EDARADD: variants seen among roughly 807,000 people sequenced by gnomAD.
The protein encoded by EDARADD is EDAR associated via death domain.
A neutral mutation model predicts 25.6 loss-of-function variants in EDARADD; 20 were observed. The observed-to-expected ratio is 0.78, with a 90% CI of 0.55 to 1.14. The LOEUF is 1.14. EDARADD is among the 50% of genes most tolerant of loss of function. The pLI is 0.00. For synonymous variants in EDARADD, 86 were observed against 94.4 expected (o/e 0.91, Z 0.52); for missense variants, 225 against 270.1 (o/e 0.83, Z 1.17).
intron 3 of EDARADD, among the ~76,000 whole-genome samples, chr1:236,354,033 C>A (rs199645497): frequency 6.6e-6 from 1 of 152,050 alleles, no homozygotes; most frequent in East Asian, 1.9e-4. Flanking sequence ...CTTCGGGTTG[C>A]GAGGCTTAGG....
chr1:236,395,530 G>A lies in EDARADD; in HGVS notation c.61+1025G>A. ...AGCCACGGTTTGCTCCAGGCGCGTCGGAACCGCAGGACTTTTCATCCCCGT... is the reference window on the plus strand; with the variant it reads ...AGCCACGGTTTGCTCCAGGCGCGTCAGAACCGCAGGACTTTTCATCCCCGT... On this transcript the variant is annotated intron_variant, in intron 1 of 5. Coordinates refer to ENST00000334232, the MANE Select transcript of EDARADD (RefSeq NM_145861.4). This position sits in a 1 kb window ranked among gnomAD's most constrained non-coding sequence, Gnocchi z 6.9. 1 of 1,535,890 alleles carries A rather than the reference G, an allele frequency of 6.5e-7. No individual in the cohort carries two copies. Among genetic ancestry groups the A allele is most frequent in the Non-Finnish European group, 8.7e-7 (1 of 1,145,378 alleles).
chr1:236,370,298 G>A (rs1667160235), intron 3 of EDARADD, among the ~76,000 whole-genome samples: 1 of 152,118 alleles, frequency 6.6e-6, no homozygotes, highest in Non-Finnish European at 1.5e-5. Flanking sequence ...GTGTGTGCCT[G>A]TAGTCCCAAC....
intron 1 of EDARADD, among the ~76,000 whole-genome samples, chr1:236,399,692 A>T (rs567671825): frequency 2.0e-5 from 3 of 152,360 alleles, no homozygotes; most frequent in South Asian, 4.1e-4. Flanking sequence ...ATGATTGTTC[A>T]TACAGATAGA....
chr1:236,366,629 C>T (rs1172117974), intron 3 of EDARADD, among the ~76,000 whole-genome samples: 4 of 152,106 alleles, frequency 2.6e-5, no homozygotes, highest in Non-Finnish European at 5.9e-5. Context: ...ACTCTTAGCT[C>T]TATTTCTTCA....
At chr1:236,378,675 A>G (rs1294576505) in intron 3 of EDARADD, among the ~76,000 whole-genome samples, 3 of 152,146 alleles carry the variant, frequency 2.0e-5, no homozygotes, top group African/African-American at 4.8e-5. Flanking sequence ...CAAAATAACT[A>G]TTTTATTGTT....
intron 3 of EDARADD, 78 bp downstream of exon 3, chr1:236,414,377 T>A: frequency 8.3e-7 from 1 of 1,204,108 alleles, no homozygotes; most frequent in Non-Finnish European, 1.2e-6. Context: ...ACCTAATTTT[T>A]CATTATTTAA....
chr1:236,463,936 G>A (rs961125396), intron 4 of EDARADD, among the ~76,000 whole-genome samples: 1 of 152,176 alleles, frequency 6.6e-6, no homozygotes, highest in African/African-American at 2.4e-5. Flanking sequence ...TGGGGTGCAC[G>A]GACAGGGTGC....
At chr1:236,352,641 A>C (rs1466508004) in intron 3 of EDARADD, among the ~76,000 whole-genome samples, 13 of 152,214 alleles carry the variant, frequency 8.5e-5, no homozygotes, top group Admixed American at 8.5e-4. Flanking sequence ...CGAGGTCAGG[A>C]GTTCAAGACC....
At chr1:236,397,565 A>G (rs1667538979) in intron 1 of EDARADD, among the ~76,000 whole-genome samples, 1 of 152,166 alleles carries the variant, frequency 6.6e-6, no homozygotes, top group African/African-American at 2.4e-5. Flanking sequence ...GAGTGAGAGG[A>G]CAGAGGATAT....
At chr1:236,436,624 C>CA (rs5781885) in intron 4 of EDARADD, among the ~76,000 whole-genome samples, 6,691 of 94,160 alleles carry the variant, frequency 0.071, 676 homozygotes, top group African/African-American at 0.17. Context: ...AAGATCTTGT[C>CA]AAAAAAAAAA....
At chr1:236,459,299 C>T (rs1440556784) in intron 4 of EDARADD, among the ~76,000 whole-genome samples, 2 of 152,128 alleles carry the variant, frequency 1.3e-5, no homozygotes, top group African/African-American at 4.8e-5. Context: ...CTGTAAAATA[C>T]TCTGTGATAT....
chr1:236,482,648 A>T lies in EDARADD; in HGVS notation c.647A>T (p.Ter216LeuextTer13), dbSNP rs144235068. ...CGTGGAGACCCCTCCAGGCACTTCTAGAGCTCTTCTTCTTCCTTCATTGGC... is the reference window on the plus strand; with the variant it reads ...CGTGGAGACCCCTCCAGGCACTTCTTGAGCTCTTCTTCTTCCTTCATTGGC... ...RERGDPSRHF[*>L] The change falls in exon 6 of 6, where the codon TAG becomes TTG. Residue 216 changes from the stop codon to leucine (L), a stop_lost. Transcript: ENST00000334232. 2.5e-6 allele frequency: 4 copies of T among 1,611,738 alleles called. No homozygotes were observed. In the East Asian group the frequency reaches 8.9e-5, roughly 36 times the overall value.
chr1:236,404,955 A>G (rs574701817), intron 1 of EDARADD, among the ~76,000 whole-genome samples: 1 of 152,208 alleles, frequency 6.6e-6, no homozygotes, highest in East Asian at 1.9e-4. Flanking sequence ...CAAATCGGGC[A>G]TAGTGGTGGG....
At chr1:236,422,875 A>G (rs1318374923) in intron 3 of EDARADD, among the ~76,000 whole-genome samples, 5 of 152,202 alleles carry the variant, frequency 3.3e-5, no homozygotes, top group Non-Finnish European at 5.9e-5. Flanking sequence ...TTTTGCTTCC[A>G]TGACCCAAGG....
intron 5 of EDARADD, among the ~76,000 whole-genome samples, chr1:236,470,666 C>T (rs1460097954): frequency 6.6e-6 from 1 of 152,076 alleles, no homozygotes; most frequent in Non-Finnish European, 1.5e-5. Flanking sequence ...AGTGCAATGG[C>T]GAGATCTCGG....
chr1:236,445,869 C>G (rs117245173), intron 4 of EDARADD, among the ~76,000 whole-genome samples: 3 of 152,112 alleles, frequency 2.0e-5, no homozygotes, highest in Admixed American at 2.0e-4. Context: ...TCAGGCTCCC[C>G]CCTTGCCTGC....
intron 4 of EDARADD, among the ~76,000 whole-genome samples, chr1:236,428,832 C>G (rs1237919767): frequency 5.3e-5 from 8 of 152,002 alleles, no homozygotes; most frequent in Non-Finnish European, 1.2e-4. Flanking sequence ...CCACTGCACT[C>G]CAGCCTGGGC....
chr1:236,367,469 T>G (rs1435521413), intron 3 of EDARADD, among the ~76,000 whole-genome samples: 1 of 152,272 alleles, frequency 6.6e-6, no homozygotes, highest in East Asian at 1.9e-4. Context: ...CCTCAGGTGA[T>G]CCGCCCACCT....
At chr1:236,375,620 C>T (rs1667216058) in intron 3 of EDARADD, among the ~76,000 whole-genome samples, 3 of 142,060 alleles carry the variant, frequency 2.1e-5, no homozygotes, top group South Asian at 4.4e-4. Flanking sequence ...CATGCCACTG[C>T]ACTCCAGCCT....
Sources: gnomAD v4.1 joint callset for allele counts (sites outside exome capture counted in the v4.1 genomes callset) on GRCh38, gnomAD v4.1.1 for gene constraint, Gnocchi (gnomAD v3.1) non-coding constraint, MANE v1.5 for transcripts, NCBI Gene and HGNC (gene_info 2026-07-23, HGNC 2026-07-21) for gene names.